Variants in NEK8 observed in about 807,000 individuals in gnomAD.
NEK8 encodes NIMA related kinase 8, also known as serine/threonine-protein kinase Nek8.
NEK8 carries 51 observed loss-of-function variants against 77.2 expected under a neutral mutation model. That is an observed-to-expected ratio of 0.66 (90% CI 0.53 to 0.83). The LOEUF is 0.83. Among genes scored for constraint, NEK8 ranks in the 40% least tolerant of loss-of-function variants. The pLI is 0.00. For synonymous variants in NEK8, 365 were observed against 363.2 expected (o/e 1.00, Z -0.06); for missense variants, 787 against 909.2 (o/e 0.87, Z 1.73).
Position 28,738,199 on chromosome 17 carries a change from C to G in NEK8, c.1176C>G (p.Thr392=). 6.2e-7 allele frequency: 1 copy of G among 1,614,156 alleles called. No individual in the cohort carries two copies. The highest frequency in any genetic ancestry group is 8.5e-7 in the Non-Finnish European group (1 of 1,180,016). The change falls in exon 8 of 15, where the codon ACC becomes ACG. Residue 392 remains threonine, a synonymous_variant. Coordinates refer to ENST00000268766, the MANE Select transcript of NEK8 (RefSeq NM_178170.3). ...TCCTGGAGGGCCAGTCGGGTGTGAC[C>G]ATCAAGCACGTGGCCTGTGGGGACT... is the stretch of plus-strand genomic sequence containing the variant. ...SRFLEGQSGV[T]IKHVACGDFF... is the part of the protein sequence containing the mutation.
Position 28,733,971 on chromosome 17 carries a change from C to T in NEK8, c.48-12C>T, listed in dbSNP as rs1381918108. ...TTAGCTGGTAACCTGTCCCTGTCCT[C>T]CGTATCCCTAGGATTGTGCACCTGT... On this transcript the variant is annotated splice_polypyrimidine_tract_variant and intron_variant, in intron 1 of 14. Coordinates refer to ENST00000268766, the MANE Select transcript of NEK8 (RefSeq NM_178170.3). 2 of 1,613,518 alleles carry T rather than the reference C, an allele frequency of 1.2e-6. No individual in the cohort carries two copies. The highest frequency in any genetic ancestry group is 2.2e-5 in the East Asian group (1 of 44,886).
intron 2 of NEK8, 148 bp from the exon 3 acceptor site, chr17:28,734,624 C>G (rs2034343533): frequency 3.1e-6 from 2 of 644,378 alleles, no homozygotes; most frequent in Non-Finnish European, 5.5e-6. Context: ...GGGGGGCTTG[C>G]AGCAGTGAGC....
intron 8 of NEK8, 76 bp from the exon 9 acceptor site, chr17:28,738,595 C>A: frequency 7.5e-7 from 1 of 1,331,822 alleles, no homozygotes; most frequent in Non-Finnish European, 1.1e-6. Context: ...CTGCTGCAAC[C>A]CACTGGAGGA....
In NEK8 at chr17:28,737,272, A is replaced by G; in HGVS notation, c.619-34A>G. 1 of 1,580,838 alleles carries G rather than the reference A, an allele frequency of 6.3e-7. No homozygotes were observed. Reference sequence around the variant, plus strand: ...GCTGGAGCTGGGGGGTGCTGCCCTCACTTCCCCAAATTCTCAACCTGGTGC... The same window carrying G: ...GCTGGAGCTGGGGGGTGCTGCCCTCGCTTCCCCAAATTCTCAACCTGGTGC... On this transcript the variant is annotated intron_variant, in intron 4 of 14. Transcript: ENST00000268766. The surrounding 1 kb of genome is among the most constrained non-coding windows in gnomAD (Gnocchi z 4.8).
At position 28,734,845 on chromosome 17, in the gene NEK8, C is replaced by T. The variant is rs370372576; in HGVS notation, c.327C>T (p.Phe109=). 8.7e-6 allele frequency: 14 copies of T among 1,613,672 alleles called. No homozygotes were observed. Among genetic ancestry groups the T allele is most frequent in the Admixed American group, 3.3e-5 (2 of 60,006 alleles). The change falls in exon 3 of 15, where the codon TTC becomes TTT. Residue 109 remains phenylalanine (F), a synonymous_variant. Transcript: ENST00000268766. The stretch of plus-strand genomic sequence containing the variant: ...AGGAGGAGACCATCCTGCACTTCTT[C>T]GTGCAGATCCTGCTTGCACTGCATC... ...LLEEETILHF[F]VQILLALHHV...
At position 28,741,825 on chromosome 17, in the gene NEK8, C is replaced by T. The variant is rs1281062787; in HGVS notation, c.2051-134C>T. 9.9e-7 allele frequency: 1 copy of T among 1,013,674 alleles called. No homozygotes were observed. Among genetic ancestry groups the T allele is most frequent in the Non-Finnish European group, 1.6e-6 (1 of 640,144 alleles). 62.8% of individuals were successfully genotyped at this position (1,013,674 alleles called of 1,614,324 possible). A position where few individuals can be genotyped will look rare whatever the true frequency, so the allele number is the denominator to read the frequency against. ...GCATTCTTTCTCCTACTGCTGAGTC[C>T]CGTTGATGCTGAAACTCTCTTTCTG... is the stretch of plus-strand genomic sequence containing the variant. On this transcript the variant is annotated intron_variant, in intron 14 of 14. Transcript: ENST00000268766. The surrounding 1 kb of genome is among the most constrained non-coding windows in gnomAD (Gnocchi z 4.5).
intron 4 of NEK8, 62 bp downstream of exon 4, chr17:28,735,433 G>T: frequency 6.4e-7 from 1 of 1,569,044 alleles, no homozygotes; most frequent in Non-Finnish European, 8.6e-7. Flanking sequence ...AGCAGCCCTT[G>T]GCTCAAGCCA....
At position 28,735,332 on chromosome 17, in the gene NEK8, C is replaced by T. The variant is rs756486155; in HGVS notation, c.579C>T (p.Leu193=). ...ACATCTGGGCCCTGGGCTGTGTCCT[C>T]TACGAGCTGGCCAGCCTCAAGAGGG... The part of the protein sequence containing the change: ...KSDIWALGCV[L]YELASLKRAF... Residue 193 remains leucine, a synonymous_variant, in exon 4 of 15, where the codon CTC becomes CTT. Coordinates refer to ENST00000268766, the MANE Select transcript of NEK8 (RefSeq NM_178170.3). 5 of 1,614,070 alleles carry T rather than the reference C, an allele frequency of 3.1e-6. No individual in the cohort carries two copies. In the Admixed American group the frequency reaches 5.0e-5, roughly 16 times the overall value.
rs146209770 is a variant in NEK8 at position 28,742,318 on chromosome 17, G to A, written c.*331G>A. ...CCATAAAAAGGCTGAAGGCAGCCGG[G>A]CGCAGTGGCTCACGCCTGTAATCCC... On this transcript the variant is annotated 3_prime_UTR_variant, in exon 15 of 15. Transcript: ENST00000268766. 1.3e-5 allele frequency: 6 copies of A among 453,378 alleles called. No homozygotes were observed. The highest frequency in any genetic ancestry group is 1.2e-4 in the African/African-American group (6 of 50,268). 28.1% of individuals were successfully genotyped at this position (453,378 alleles called of 1,614,324 possible).
At chr17:28,733,467 C>T (rs2034329578) in intron 1 of NEK8, among the ~76,000 whole-genome samples, 1 of 152,142 alleles carries the variant, frequency 6.6e-6, no homozygotes, top group Admixed American at 6.6e-5. Context: ...AAATATTGGG[C>T]TATGCACTGG....
At position 28,734,934 on chromosome 17, in the gene NEK8, A is replaced by C. The variant is rs2034347993; in HGVS notation, c.416A>C (p.His139Pro). 1 of 1,613,594 alleles carries C rather than the reference A, an allele frequency of 6.2e-7. No individual in the cohort carries two copies. The highest frequency in any genetic ancestry group is 8.5e-7 in the Non-Finnish European group (1 of 1,180,000). ...LKTQNILLDK[H>P]RMVVKIGDFG... ...ACCCAGAACATCCTGCTTGACAAAC[A>C]CCGCATGGTCGTCAAGATCGGTGAT... Residue 139 changes from histidine (H) to proline (P), a missense_variant, in exon 3 of 15, where the codon CAC becomes CCC. His to Pro is a moderately conservative substitution (Grantham distance 77). This residue lies in a region of NEK8 where 271 missense variants were observed against 365.1 expected (regional missense o/e 0.74). Transcript: ENST00000268766.
Position 28,742,298 on chromosome 17 carries a change from A to T in NEK8, c.*311A>T, listed in dbSNP as rs2034431565. 2.0e-6 allele frequency: 1 copy of T among 507,984 alleles called. No homozygotes were observed. The highest frequency in any genetic ancestry group is 3.2e-5 in the Admixed American group (1 of 31,188). 31.5% of individuals were successfully genotyped at this position (507,984 alleles called of 1,614,324 possible). Reference sequence around the variant, plus strand: ...GGGTGGCCTCCAGAGCCTTGCCATAAAAAGGCTGAAGGCAGCCGGGCGCAG... The same window carrying T: ...GGGTGGCCTCCAGAGCCTTGCCATATAAAGGCTGAAGGCAGCCGGGCGCAG... On this transcript the variant is annotated 3_prime_UTR_variant, in exon 15 of 15. Transcript: ENST00000268766.
intron 10 of NEK8, among the ~76,000 whole-genome samples, chr17:28,739,603 C>T (rs916542093): frequency 6.6e-5 from 10 of 152,186 alleles, no homozygotes; most frequent in Admixed American, 2.6e-4. Flanking sequence ...CACCCGCCAC[C>T]GCGCCCAGCA....
chr17:28,740,378 G>A lies in NEK8; in HGVS notation c.1418-85G>A, dbSNP rs1567761757. The A allele has an allele frequency of 8.5e-7, 1 of 1,174,614 alleles. No homozygotes were observed. The highest frequency in any genetic ancestry group is 1.3e-6 in the Non-Finnish European group (1 of 779,966). The allele number at this position is 1,174,614 out of a possible 1,614,324, so 72.8% of individuals were successfully genotyped here. A position where few individuals can be genotyped will look rare whatever the true frequency, so the allele number is the denominator to read the frequency against. On this transcript the variant is annotated intron_variant, in intron 10 of 14. Transcript: ENST00000268766. This position sits in a 1 kb window ranked among gnomAD's most constrained non-coding sequence, Gnocchi z 4.7. ...ACTGAGAGAACAGAGAACTCATGCT[G>A]TTCCCTCCCCTCAGTGGGCCCTCCT...
chr17:28,728,953 C>T (rs2151729904), intron 1 of NEK8, 93 bp downstream of exon 1: 3 of 1,199,510 alleles, frequency 2.5e-6, no homozygotes, highest in South Asian at 2.6e-5. Context: ...TAATCCCGCC[C>T]CAAGGCGTGA....
Position 28,741,532 on chromosome 17 carries a change from G to T in NEK8, c.2011G>T (p.Val671Leu). ...DETHPYTVTSVSCCHGNTLLA... is the reference protein window; with the variant it reads ...DETHPYTVTSLSCCHGNTLLA... ...GACACACCCTTACACGGTGACTTCC[G>T]TGTCCTGTTGCCATGGAAACACCCT... The change falls in exon 14 of 15, where the codon GTG becomes TTG. Residue 671 changes from valine (V) to leucine (L), a missense_variant. Transcript: ENST00000268766. The surrounding 1 kb of genome is among the most constrained non-coding windows in gnomAD (Gnocchi z 4.5). 1.2e-6 allele frequency: 2 copies of T among 1,614,120 alleles called. No homozygotes were observed. The highest frequency in any genetic ancestry group is 1.7e-6 in the Non-Finnish European group (2 of 1,180,008).
At chr17:28,734,289 A>G in intron 2 of NEK8, 101 bp downstream of exon 2, 1 of 1,078,348 alleles carries the variant, frequency 9.3e-7, no homozygotes, top group Non-Finnish European at 1.4e-6. Flanking sequence ...GGGCATGGCC[A>G]AGGGTTAGAG....
chr17:28,739,481 G>A (rs554076352), intron 10 of NEK8, among the ~76,000 whole-genome samples: 5 of 152,200 alleles, frequency 3.3e-5, no homozygotes, highest in East Asian at 1.9e-4. Context: ...ATGGAGTCTC[G>A]CTCTGTTACC....
intron 4 of NEK8, among the ~76,000 whole-genome samples, chr17:28,735,763 T>C (rs2034358027): frequency 6.6e-6 from 1 of 150,900 alleles, no homozygotes; most frequent in Non-Finnish European, 1.5e-5. Flanking sequence ...GGCAAAGCTG[T>C]TATTGTTTAT....
Sources: allele counts gnomAD v4.1 joint callset (sites outside exome capture counted in the v4.1 genomes callset), GRCh38; gene constraint gnomAD v4.1.1; regional missense constraint gnomAD v4.1.1; non-coding constraint Gnocchi (gnomAD v3.1); transcripts MANE v1.5; gene names NCBI Gene and HGNC (gene_info 2026-07-23, HGNC 2026-07-21).